OPCML: variants seen among roughly 807,000 people sequenced by gnomAD.
OPCML encodes opioid-binding protein/cell adhesion molecule.
OPCML carries 13 observed loss-of-function variants against 37.8 expected under a neutral mutation model. The ratio of observed to expected loss-of-function variants is 0.34; its 90% CI spans 0.22 to 0.55. The LOEUF is 0.55. Ranked by LOEUF, OPCML falls within the 20% of genes least tolerant of loss-of-function variation. The pLI is 0.91. For synonymous variants in OPCML, 176 were observed against 168.8 expected, an observed-to-expected ratio of 1.04 and a Z score of -0.33; for missense variants, 341 against 435.6, an observed-to-expected ratio of 0.78 and a Z score of 1.93.
At chr11:133,368,546 T>C (rs1324051451) in intron 1 of OPCML, among the ~76,000 whole-genome samples, 1 of 151,878 alleles carries the variant, frequency 6.6e-6, no homozygotes, top group Non-Finnish European at 1.5e-5. Flanking sequence ...CCTTGGAGAG[T>C]TTACCAACCA....
chr11:132,865,346 G>A (rs1030361541), intron 2 of OPCML, among the ~76,000 whole-genome samples: 2 of 152,158 alleles, frequency 1.3e-5, no homozygotes, highest in Non-Finnish European at 2.9e-5. Context: ...AGAAGAAAGT[G>A]TATTTTTCGA....
At chr11:132,443,449 A>C (rs994336506) in intron 4 of OPCML, among the ~76,000 whole-genome samples, 3 of 152,212 alleles carry the variant, frequency 2.0e-5, no homozygotes, top group Non-Finnish European at 4.4e-5. Context: ...CTGCCCAGCA[A>C]GAGAGACTAT....
chr11:132,608,678 C>A (rs1249420521), intron 3 of OPCML, among the ~76,000 whole-genome samples: 4 of 152,174 alleles, frequency 2.6e-5, no homozygotes, highest in Non-Finnish European at 5.9e-5. Flanking sequence ...TAATATAGGA[C>A]TGGAGCCTCT....
chr11:132,916,603 A>T (rs1944614370), intron 2 of OPCML, among the ~76,000 whole-genome samples: 1 of 152,228 alleles, frequency 6.6e-6, no homozygotes, highest in Admixed American at 6.5e-5. Context: ...ACTTGCACAG[A>T]GTAGTAGTAC....
At chr11:132,778,152 T>C (rs1946870852) in intron 2 of OPCML, among the ~76,000 whole-genome samples, 1 of 152,208 alleles carries the variant, frequency 6.6e-6, no homozygotes, top group South Asian at 2.1e-4. Context: ...TGTTGTGTCA[T>C]TATAGCTTTA....
At chr11:132,553,944 C>A (rs1409836629) in intron 3 of OPCML, among the ~76,000 whole-genome samples, 1 of 152,174 alleles carries the variant, frequency 6.6e-6, no homozygotes, top group East Asian at 1.9e-4. Flanking sequence ...AGCCTCCTTC[C>A]CTTCTTTCCC....
chr11:132,780,322 G>A (rs956937557), intron 2 of OPCML, among the ~76,000 whole-genome samples: 14 of 152,190 alleles, frequency 9.2e-5, no homozygotes, highest in South Asian at 2.1e-4. Context: ...ACCGTGAGTC[G>A]CATCAGTAGT....
chr11:133,070,685 A>C (rs1948518183), intron 1 of OPCML, among the ~76,000 whole-genome samples: 1 of 152,170 alleles, frequency 6.6e-6, no homozygotes, highest in Non-Finnish European at 1.5e-5. Context: ...TTTCTTCATA[A>C]TTATGTTGTG....
intron 3 of OPCML, among the ~76,000 whole-genome samples, chr11:132,656,679 C>T (rs1941723338): frequency 1.3e-5 from 2 of 152,172 alleles, no homozygotes; most frequent in African/African-American, 2.4e-5. Flanking sequence ...CGAAAACAGT[C>T]ATGTCACGTA....
intron 2 of OPCML, among the ~76,000 whole-genome samples, chr11:132,863,767 G>A (rs942380174): frequency 2.0e-5 from 3 of 151,504 alleles, no homozygotes; most frequent in Non-Finnish European, 2.9e-5. Flanking sequence ...TAGAGGCCGG[G>A]AGGAATCTAC....
intron 1 of OPCML, chr11:133,006,848 C>A: frequency 1.0e-6 from 1 of 985,426 alleles, no homozygotes; most frequent in Non-Finnish European, 1.2e-6. Flanking sequence ...GAAGTGCTGG[C>A]CAGGAAGGTT....
intron 1 of OPCML, among the ~76,000 whole-genome samples, chr11:132,978,469 G>T (rs1418603940): frequency 1.3e-5 from 2 of 152,140 alleles, no homozygotes; most frequent in African/African-American, 4.8e-5. Context: ...AGCAGGACTA[G>T]CATCATTCCA....
At chr11:133,377,894 G>A (rs78900811) in intron 1 of OPCML, among the ~76,000 whole-genome samples, 3,272 of 152,274 alleles carry the variant, frequency 0.021, 120 homozygotes, top group African/African-American at 0.075. Flanking sequence ...TCAGGGACCT[G>A]CAAGCACATT....
At chr11:133,037,238 G>A (rs2136936890) in intron 1 of OPCML, among the ~76,000 whole-genome samples, 1 of 152,332 alleles carries the variant, frequency 6.6e-6, no homozygotes, top group Non-Finnish European at 1.5e-5. Context: ...ACCACTGTGA[G>A]GATGAGGACT....
At chr11:132,709,494 G>A (rs1944173043) in intron 2 of OPCML, among the ~76,000 whole-genome samples, 1 of 152,146 alleles carries the variant, frequency 6.6e-6, no homozygotes, top group African/African-American at 2.4e-5. Context: ...ATCTCACAGT[G>A]CATTTAGTTG....
intron 1 of OPCML, among the ~76,000 whole-genome samples, chr11:132,989,362 A>G (rs1442903778): frequency 6.6e-6 from 1 of 152,252 alleles, no homozygotes; most frequent in Non-Finnish European, 1.5e-5. Flanking sequence ...TTGGAAATAA[A>G]TAAGTGAAAA....
chr11:132,687,915 C>T (rs889666973), intron 2 of OPCML, among the ~76,000 whole-genome samples: 1 of 152,092 alleles, frequency 6.6e-6, no homozygotes, highest in Non-Finnish European at 1.5e-5. Flanking sequence ...ATTTGCTTTG[C>T]AAATTGGGCT....
rs539213334 is a variant in OPCML at position 133,150,460 on chromosome 11, C to T, written c.62-207450G>A. ...ACTCTGAACCCTCTGTTTTCAGTTGCCACCTCTGTAAAAATTAGAGCTGCA... is the reference window on the plus strand; with the variant it reads ...ACTCTGAACCCTCTGTTTTCAGTTGTCACCTCTGTAAAAATTAGAGCTGCA... On this transcript the variant is annotated intron_variant, in intron 1 of 7. Coordinates refer to ENST00000524381, the MANE Select transcript of OPCML (RefSeq NM_001012393.5). Among the ~76,000 whole-genome samples, 8 of 152,292 alleles carry T rather than the reference C, an allele frequency of 5.3e-5. No individual in the cohort carries two copies. The South Asian group carries it at 6.2e-4, about 12-fold the overall frequency.
chr11:133,286,225 C>T (rs1942292387), intron 1 of OPCML, among the ~76,000 whole-genome samples: 2 of 151,874 alleles, frequency 1.3e-5, no homozygotes, highest in African/African-American at 2.4e-5. Context: ...CCGAGGTGGG[C>T]GGATCTCGAG....
Sources: gnomAD v4.1 joint callset for allele counts (sites outside exome capture counted in the v4.1 genomes callset) on GRCh38, gnomAD v4.1.1 for gene constraint, MANE v1.5 for transcripts, NCBI Gene and HGNC (gene_info 2026-07-23, HGNC 2026-07-21) for gene names.